Variants in KIF18A observed in about 807,000 individuals in gnomAD.
KIF18A encodes kinesin-like protein KIF18A.
Under a neutral mutation model 103.3 loss-of-function variants are expected in KIF18A, and 67 were observed. The ratio of observed to expected loss-of-function variants is 0.65; its 90% confidence interval spans 0.53 to 0.79. The LOEUF (loss-of-function observed/expected upper bound fraction) is 0.79. KIF18A is among the 30% of genes least tolerant of loss of function. The probability of loss-of-function intolerance (pLI) is 0.00; values close to 1 mark genes in which losing one functional copy is unlikely to be tolerated. For synonymous variants in KIF18A, 367 were observed against 355.5 expected, an observed-to-expected ratio of 1.03 and a Z score of -0.36; for missense variants, 1,032 against 1,062.5, an observed-to-expected ratio of 0.97 and a Z score of 0.40.
chr11:28,036,969 A>G (rs1416214653), intron 13 of KIF18A, among the ~76,000 whole-genome samples: 1 of 151,642 alleles, frequency 6.6e-6, no homozygotes, highest in East Asian at 1.9e-4. Context: ...CAATTCCAAT[A>G]AAATTCACAA....
chr11:28,034,698 T>G (rs993082165), intron 15 of KIF18A, among the ~76,000 whole-genome samples: 3 of 151,808 alleles, frequency 2.0e-5, no homozygotes, highest in Admixed American at 2.0e-4. Flanking sequence ...GTAAGACAGC[T>G]GATAGCTCTA....
chr11:28,052,244 A>G (rs1850720328), intron 13 of KIF18A, among the ~76,000 whole-genome samples: 1 of 152,076 alleles, frequency 6.6e-6, no homozygotes. Flanking sequence ...TTTTAAGAGC[A>G]CAATTGAGGT....
intron 15 of KIF18A, among the ~76,000 whole-genome samples, chr11:28,032,951 T>A (rs1258205593): frequency 6.6e-6 from 1 of 151,804 alleles, no homozygotes; most frequent in Non-Finnish European, 1.5e-5. Context: ...AGAAAATACC[T>A]GCAAACTATC....
chr11:28,032,541 T>G (rs894163282), intron 15 of KIF18A, among the ~76,000 whole-genome samples: 3 of 151,780 alleles, frequency 2.0e-5, no homozygotes, highest in Non-Finnish European at 2.9e-5. Context: ...TGGAACAGAA[T>G]AGAGAGCCCC....
intron 13 of KIF18A, among the ~76,000 whole-genome samples, chr11:28,056,103 G>T (rs1850776867): frequency 1.3e-5 from 2 of 150,014 alleles, no homozygotes; most frequent in Non-Finnish European, 3.0e-5. Flanking sequence ...ATGATGCATT[G>T]TTCAGGGAAT....
chr11:28,026,617 A>C (rs1850324403), intron 15 of KIF18A, among the ~76,000 whole-genome samples: 1 of 151,796 alleles, frequency 6.6e-6, no homozygotes, highest in African/African-American at 2.4e-5. Context: ...CTTATCTAAA[A>C]TCACTCCAAA....
chr11:28,099,101 G>A (rs1156480120), intron 1 of KIF18A, among the ~76,000 whole-genome samples: 1 of 152,038 alleles, frequency 6.6e-6, no homozygotes, highest in African/African-American at 2.4e-5. Flanking sequence ...CCTATCAACA[G>A]ATAAATAGAT....
intron 15 of KIF18A, among the ~76,000 whole-genome samples, chr11:28,028,234 A>G (rs1037569958): frequency 2.6e-5 from 4 of 152,164 alleles, no homozygotes; most frequent in Non-Finnish European, 5.9e-5. Flanking sequence ...CATTCTTTTC[A>G]GCACCACACT....
At position 28,036,319 on chromosome 11, in the gene KIF18A, TCC is replaced by T. The variant is rs773933402; in HGVS notation, c.2292_2293del (p.Asp765LeufsTer9). The T allele has an allele frequency of 6.2e-7, 1 of 1,610,522 alleles. No homozygotes were observed. The highest frequency in any genetic ancestry group is 8.5e-7 in the Non-Finnish European group (1 of 1,177,606). On this transcript the variant is annotated frameshift_variant, in exon 14 of 17. Transcript: ENST00000263181. LOFTEE classifies it high-confidence loss of function. Reference sequence around the variant, plus strand: ...ACATATAGTAAATGTAGAGTCCAAGTCCTCCTGTCCACATTCTTTTCTTCTAT... The same window carrying T: ...ACATATAGTAAATGTAGAGTCCAAGTTCCTGTCCACATTCTTTTCTTCTAT...
intron 13 of KIF18A, among the ~76,000 whole-genome samples, chr11:28,049,379 G>A (rs1850682319): frequency 1.3e-5 from 2 of 151,818 alleles, no homozygotes; most frequent in Admixed American, 1.3e-4. Flanking sequence ...GGGCTTTTGG[G>A]GTCATCTTTT....
intron 13 of KIF18A, among the ~76,000 whole-genome samples, chr11:28,039,061 C>T (rs545671611): frequency 1.3e-5 from 2 of 151,632 alleles, no homozygotes; most frequent in South Asian, 2.1e-4. Flanking sequence ...TCTGGCTCCA[C>T]CAACAGCTCA....
chr11:28,062,003 CTGGAATTATGA>C (rs1426399854), intron 12 of KIF18A, among the ~76,000 whole-genome samples: 2 of 152,014 alleles, frequency 1.3e-5, no homozygotes, highest in African/African-American at 4.8e-5. Flanking sequence ...GCAAAAAATT[CTGGAATTATGA>C]ATAATTAACA....
At chr11:28,079,931 A>G (rs1302126886) in intron 9 of KIF18A, among the ~76,000 whole-genome samples, 3 of 152,108 alleles carry the variant, frequency 2.0e-5, no homozygotes, top group Non-Finnish European at 1.5e-5. Context: ...CTTTTTAAAA[A>G]TTTACCTGCT....
rs553691713 is a variant in KIF18A, at chr11:28,077,799, T to C, written c.1263-630A>G. ...GGACTTAAAACATCCAAGTTTATAA[T>C]GTGGTAAACCTAGAAAAGCTGCTGC... On this transcript the variant is annotated intron_variant, in intron 9 of 16. Transcript: ENST00000263181. Among the ~76,000 whole-genome samples, 26 of 152,300 alleles carry C rather than the reference T, an allele frequency of 1.7e-4. No individual in the cohort carries two copies. In the South Asian group the frequency reaches 4.3e-3, roughly 25 times the overall value.
intron 2 of KIF18A, chr11:28,097,258 A>G (rs1320170965): frequency 1.1e-5 from 2 of 173,968 alleles, no homozygotes; most frequent in Non-Finnish European, 2.4e-5. Context: ...ATGTCTGACT[A>G]CTCTCCAGGA....
intron 13 of KIF18A, among the ~76,000 whole-genome samples, chr11:28,046,857 G>A (rs1247417402): frequency 1.3e-5 from 2 of 150,818 alleles, no homozygotes; most frequent in African/African-American, 2.4e-5. Context: ...TTTAAGACCA[G>A]CCTGGTAAAT....
At chr11:28,021,424 T>C (rs1850242232) in intron 16 of KIF18A, 142 bp from the exon 17 acceptor site, 2 of 755,644 alleles carry the variant, frequency 2.6e-6, no homozygotes, top group Non-Finnish European at 3.7e-6. Context: ...TAATTTAAAA[T>C]ATAACAACAA....
chr11:28,095,305 T>C (rs1009296814), intron 2 of KIF18A, among the ~76,000 whole-genome samples: 1 of 152,236 alleles, frequency 6.6e-6, no homozygotes, highest in Non-Finnish European at 1.5e-5. Flanking sequence ...TTGCTGCTCC[T>C]TTCTACTCTG....
At chr11:28,056,455 T>C (rs962899439) in intron 13 of KIF18A, among the ~76,000 whole-genome samples, 14 of 151,942 alleles carry the variant, frequency 9.2e-5, no homozygotes, top group African/African-American at 2.4e-4. Flanking sequence ...GTAAAGGGCA[T>C]AGACAATACA....
Sources: gnomAD v4.1 joint callset for allele counts (sites outside exome capture counted in the v4.1 genomes callset) on GRCh38, gnomAD v4.1.1 for gene constraint, MANE v1.5 for transcripts, NCBI Gene and HGNC (gene_info 2026-07-23, HGNC 2026-07-21) for gene names.